Variants in HS3ST5 observed in about 807,000 individuals in gnomAD.
HS3ST5 encodes the protein heparan sulfate glucosamine 3-O-sulfotransferase 5.
In HS3ST5, 10 loss-of-function variants were observed where a neutral mutation model predicts 25.4. That is an observed-to-expected ratio of 0.39 (90% confidence interval 0.24 to 0.67). The LOEUF (loss-of-function observed/expected upper bound fraction) is 0.67. Among genes scored for constraint, HS3ST5 ranks in the 30% least tolerant of loss-of-function variants. HS3ST5 has a pLI of 0.44. For synonymous variants in HS3ST5, 170 were observed against 162.4 expected (o/e 1.05, Z -0.36); for missense variants, 324 against 420.7 (o/e 0.77, Z 2.01).
intron 2 of HS3ST5, among the ~76,000 whole-genome samples, chr6:114,200,111 G>A (rs911521894): frequency 2.0e-5 from 3 of 152,178 alleles, no homozygotes; most frequent in African/African-American, 7.2e-5. Context: ...CAGCTACTTG[G>A]GAGGCTGAGG....
chr6:114,177,842 C>A lies in HS3ST5; in HGVS notation c.-144-9380G>T, dbSNP rs549639709. ...CTTTTCCATGATCCATATAGTAAAC[C>A]TAAGAGAAGGAAATTTACTGAAATA... On this transcript the variant is annotated intron_variant, in intron 2 of 4. Coordinates refer to ENST00000312719, the MANE Select transcript of HS3ST5 (RefSeq NM_153612.4). Among the ~76,000 whole-genome samples, 3 of 152,036 alleles carry A rather than the reference C, an allele frequency of 2.0e-5. No homozygotes were observed. In the South Asian group the frequency reaches 6.2e-4, roughly 32 times the overall value.
intron 3 of HS3ST5, among the ~76,000 whole-genome samples, chr6:114,163,445 T>C (rs1355572812): frequency 1.3e-5 from 2 of 152,150 alleles, no homozygotes; most frequent in South Asian, 2.1e-4. Flanking sequence ...AGAGTCTTTA[T>C]TGTATAAATA....
At chr6:114,126,330 G>C (rs1278375460) in intron 3 of HS3ST5, among the ~76,000 whole-genome samples, 1 of 152,050 alleles carries the variant, frequency 6.6e-6, no homozygotes, top group South Asian at 2.1e-4. Context: ...AGTCCAACTT[G>C]ACTCCTTTTC....
At chr6:114,248,208 G>GAAA (rs386408321) in intron 1 of HS3ST5, among the ~76,000 whole-genome samples, 24,879 of 135,676 alleles carry the variant, frequency 0.18, 2,442 homozygotes, top group African/African-American at 0.23. Flanking sequence ...CTCAAAAAAT[G>GAAA]AAAAAAAAAA....
intron 1 of HS3ST5, among the ~76,000 whole-genome samples, chr6:114,289,511 C>A (rs1036073160): frequency 6.6e-6 from 1 of 152,106 alleles, no homozygotes; most frequent in Admixed American, 6.6e-5. Context: ...AGAATTAATT[C>A]ACCAAATATT....
At chr6:114,244,420 G>A (rs192793824) in intron 1 of HS3ST5, among the ~76,000 whole-genome samples, 1 of 152,288 alleles carries the variant, frequency 6.6e-6, no homozygotes, top group East Asian at 1.9e-4. Context: ...AAACCATTCT[G>A]AGGCTCATTT....
chr6:114,113,273 A>T (rs1483039002), intron 3 of HS3ST5, among the ~76,000 whole-genome samples: 1 of 151,992 alleles, frequency 6.6e-6, no homozygotes, highest in African/African-American at 2.4e-5. Flanking sequence ...GTGTAGATTA[A>T]ACTATTTCTT....
chr6:114,333,170 C>G (rs1776471690), intron 1 of HS3ST5, among the ~76,000 whole-genome samples: 1 of 152,106 alleles, frequency 6.6e-6, no homozygotes, highest in Non-Finnish European at 1.5e-5. Context: ...AGGAATAGCA[C>G]TGGGGCTGGT....
At chr6:114,333,669 A>G (rs1183250171) in intron 1 of HS3ST5, among the ~76,000 whole-genome samples, 3 of 152,006 alleles carry the variant, frequency 2.0e-5, no homozygotes, top group African/African-American at 7.2e-5. Flanking sequence ...TTTTTGATAC[A>G]GAGTCTTGCT....
At chr6:114,299,134 G>T (rs1382447477) in intron 1 of HS3ST5, among the ~76,000 whole-genome samples, 1 of 152,166 alleles carries the variant, frequency 6.6e-6, no homozygotes, top group Non-Finnish European at 1.5e-5. Flanking sequence ...CTGAGAAAGA[G>T]AATGCACCCC....
intron 3 of HS3ST5, among the ~76,000 whole-genome samples, chr6:114,113,272 A>G (rs1426651446): frequency 6.6e-6 from 1 of 151,898 alleles, no homozygotes; most frequent in Non-Finnish European, 1.5e-5. Context: ...AGTGTAGATT[A>G]AACTATTTCT....
At chr6:114,293,970 C>T (rs1166879254) in intron 1 of HS3ST5, among the ~76,000 whole-genome samples, 1 of 152,136 alleles carries the variant, frequency 6.6e-6, no homozygotes, top group Non-Finnish European at 1.5e-5. Context: ...TCTGGAGTGC[C>T]TTGCAAGTGA....
In HS3ST5 at chr6:114,057,287, C is replaced by G; in HGVS notation, c.1011G>C (p.Gln337His). The G allele has an allele frequency of 5.6e-6, 9 of 1,613,598 alleles. No individual in the cohort carries two copies. The highest frequency in any genetic ancestry group is 7.6e-6 in the Non-Finnish European group (9 of 1,179,686). Reference sequence around the variant, plus strand: ...GCCAGTTCAATGTCCTCCCAGTGATCTGGTAAAATTTTTGATTAAAAGGAT... The same window carrying G: ...GCCAGTTCAATGTCCTCCCAGTGATGTGGTAAAATTTTTGATTAAAAGGAT... ...FFHPFNQKFYQITGRTLNWP is the reference protein window; with the variant it reads ...FFHPFNQKFYHITGRTLNWP The change falls in exon 5 of 5, where the codon CAG becomes CAC. Residue 337 changes from glutamine to histidine, a missense_variant. Transcript: ENST00000312719.
At chr6:114,275,038 C>A (rs189914026) in intron 1 of HS3ST5, among the ~76,000 whole-genome samples, 3 of 151,528 alleles carry the variant, frequency 2.0e-5, no homozygotes, top group African/African-American at 7.3e-5. Flanking sequence ...TGACTATACA[C>A]GGTGACAGAG....
At chr6:114,341,381 G>C (rs1776863774) in intron 1 of HS3ST5, among the ~76,000 whole-genome samples, 1 of 152,160 alleles carries the variant, frequency 6.6e-6, no homozygotes, top group Non-Finnish European at 1.5e-5. Flanking sequence ...CCAAGGTGAA[G>C]TGACTCCGGA....
chr6:114,289,582 CT>C (rs1354599753), intron 1 of HS3ST5, among the ~76,000 whole-genome samples: 3 of 152,064 alleles, frequency 2.0e-5, no homozygotes, highest in African/African-American at 7.2e-5. Flanking sequence ...GGTTGGTTTC[CT>C]TGTAAATCAC....
intron 1 of HS3ST5, among the ~76,000 whole-genome samples, chr6:114,248,681 A>G (rs999368381): frequency 6.6e-6 from 1 of 152,222 alleles, no homozygotes; most frequent in South Asian, 2.1e-4. Flanking sequence ...AAAATTAATC[A>G]GTCAAAACAG....
intron 1 of HS3ST5, among the ~76,000 whole-genome samples, chr6:114,341,768 C>G (rs1776888988): frequency 6.6e-6 from 1 of 152,094 alleles, no homozygotes; most frequent in African/African-American, 2.4e-5. Context: ...CCCACTGTCC[C>G]AAAGCTGCCC....
rs539257083 is a variant in HS3ST5, at chr6:114,192,354, C to T, written c.-144-23892G>A. ...ACTATAAGATATAGATACCTATCAT[C>T]CCATTTCACAGATTAGAGAACTCTC... is the stretch of plus-strand genomic sequence containing the variant. On this transcript the variant is annotated intron_variant, in intron 2 of 4. Transcript: ENST00000312719. Among the ~76,000 whole-genome samples the T allele has an allele frequency of 9.9e-5, 15 of 152,268 alleles. No homozygotes were observed. The East Asian group carries it at 2.9e-3, about 29-fold the overall frequency.
Sources: allele counts gnomAD v4.1 joint callset (sites outside exome capture counted in the v4.1 genomes callset), GRCh38; gene constraint gnomAD v4.1.1; transcripts MANE v1.5; gene names NCBI Gene and HGNC (gene_info 2026-07-23, HGNC 2026-07-21).